The following EIF2AK2 variants were observed in gnomAD, a reference collection of about 807,000 sequenced individuals.
EIF2AK2 encodes eukaryotic translation initiation factor 2 alpha kinase 2, also known as interferon-induced, double-stranded RNA-activated protein kinase.
In EIF2AK2, 40 loss-of-function variants were observed where a neutral mutation model predicts 70.5. That is an observed-to-expected ratio of 0.57 (90% CI 0.44 to 0.74). EIF2AK2 has a LOEUF of 0.74. Ranked by LOEUF, EIF2AK2 falls within the 30% of genes least tolerant of loss-of-function variation. The pLI is 0.00. For missense variants in EIF2AK2, 555 were observed against 644.3 expected (o/e 0.86, Z 1.50); for synonymous variants, 198 against 220.9 (o/e 0.90, Z 0.92).
At chr2:37,151,364 T>G (rs1675735368) in intron 1 of EIF2AK2, among the ~76,000 whole-genome samples, 1 of 152,086 alleles carries the variant, frequency 6.6e-6, no homozygotes, top group African/African-American at 2.4e-5. Flanking sequence ...TCATGAGTCA[T>G]TAAAGAAATG....
chr2:37,110,783 C>T (rs1674116895), intron 14 of EIF2AK2, among the ~76,000 whole-genome samples: 2 of 151,586 alleles, frequency 1.3e-5, no homozygotes, highest in Admixed American at 1.3e-4. Flanking sequence ...AGCAATCAAC[C>T]CAAAAAAAAA....
At chr2:37,135,400 A>G in intron 10 of EIF2AK2, 84 bp downstream of exon 10, 1 of 1,087,752 alleles carries the variant, frequency 9.2e-7, no homozygotes, top group Non-Finnish European at 1.4e-6. Context: ...AACTGACAGG[A>G]TCATGGCCAT....
chr2:37,156,397 A>AG (rs1038269155), intron 1 of EIF2AK2, among the ~76,000 whole-genome samples: 7 of 152,116 alleles, frequency 4.6e-5, no homozygotes, highest in Non-Finnish European at 1.0e-4. Context: ...GAGAAGAGGT[A>AG]GGGGGTGGAG....
chr2:37,134,202 AG>A (rs1675044644), intron 10 of EIF2AK2, among the ~76,000 whole-genome samples: 1 of 152,180 alleles, frequency 6.6e-6, no homozygotes, highest in African/African-American at 2.4e-5. Flanking sequence ...CCCACTTCCA[AG>A]GTCAATCAGG....
At chr2:37,143,564 T>A (rs1359301101) in intron 4 of EIF2AK2, among the ~76,000 whole-genome samples, 1 of 152,182 alleles carries the variant, frequency 6.6e-6, no homozygotes, top group Non-Finnish European at 1.5e-5. Context: ...TTTTTTCTTG[T>A]ATTATTCCCT....
chr2:37,101,106 T>C lies in EIF2AK2; in HGVS notation c.*6167A>G, dbSNP rs1673817344. 6.6e-6 allele frequency: 1 copy of C among 152,250 alleles called. No individual in the cohort carries two copies. Among genetic ancestry groups the C allele is most frequent in the Admixed American group, 6.5e-5 (1 of 15,280 alleles). The allele number at this position is 152,250 out of a possible 1,614,324, so 9.4% of individuals were successfully genotyped here. ...TCTTATTGTTCAGGCCCTCTTAGTC[T>C]TTCCACTTCTGACCTTTCAAATATA... On this transcript the variant is annotated 3_prime_UTR_variant, in exon 17 of 17. Transcript: ENST00000233057.
intron 14 of EIF2AK2, among the ~76,000 whole-genome samples, chr2:37,111,954 T>TAGATAG (rs1350907171): frequency 7.6e-5 from 11 of 144,016 alleles, no homozygotes; most frequent in African/African-American, 2.9e-4. Context: ...TATATATATA[T>TAGATAG]ATAGATTTTG....
chr2:37,131,237 C>T (rs1266644323), intron 10 of EIF2AK2, among the ~76,000 whole-genome samples: 3 of 152,144 alleles, frequency 2.0e-5, no homozygotes, highest in Non-Finnish European at 2.9e-5. Context: ...CCTTCCAAAC[C>T]CCCTAAGACC....
chr2:37,137,511 G>A (rs1008192313), intron 8 of EIF2AK2, among the ~76,000 whole-genome samples: 1 of 152,176 alleles, frequency 6.6e-6, no homozygotes, highest in African/African-American at 2.4e-5. Context: ...GTCTCACTAT[G>A]TTGCCTAGGC....
chr2:37,114,210 A>C (rs1674256985), intron 14 of EIF2AK2, among the ~76,000 whole-genome samples: 1 of 152,106 alleles, frequency 6.6e-6, no homozygotes, highest in African/African-American at 2.4e-5. Flanking sequence ...TGAGGTGGGA[A>C]GATTGCTTGA....
chr2:37,111,369 T>C (rs1415926721), intron 14 of EIF2AK2, among the ~76,000 whole-genome samples: 1 of 151,646 alleles, frequency 6.6e-6, no homozygotes, highest in Non-Finnish European at 1.5e-5. Flanking sequence ...GCTACACTAA[T>C]AACAAATTAG....
At chr2:37,126,588 C>T (rs1270245610) in intron 10 of EIF2AK2, among the ~76,000 whole-genome samples, 177 bp from the exon 11 acceptor site, 1 of 151,980 alleles carries the variant, frequency 6.6e-6, no homozygotes, top group East Asian at 1.9e-4. Flanking sequence ...AAAGAGTAGT[C>T]CTCTCACTCC....
chr2:37,112,518 C>A (rs1674195246), intron 14 of EIF2AK2, among the ~76,000 whole-genome samples: 1 of 152,276 alleles, frequency 6.6e-6, no homozygotes, highest in East Asian at 1.9e-4. Context: ...AATGTGATTA[C>A]AGAGTTCATT....
At chr2:37,119,147 C>T (rs1374244821) in intron 13 of EIF2AK2, among the ~76,000 whole-genome samples, 3 of 152,158 alleles carry the variant, frequency 2.0e-5, no homozygotes, top group African/African-American at 7.2e-5. Flanking sequence ...CTGTCTCTCA[C>T]CTTCTGTCAT....
At chr2:37,153,393 T>C (rs1352203079) in intron 1 of EIF2AK2, among the ~76,000 whole-genome samples, 1 of 141,022 alleles carries the variant, frequency 7.1e-6, no homozygotes, top group Non-Finnish European at 1.5e-5. Flanking sequence ...CAGGCTGGAG[T>C]GCAGTGGTGT....
At position 37,136,976 on chromosome 2, in the gene EIF2AK2, T is replaced by A; in HGVS notation, c.722+7A>T. ...TCAAAATATGTTCAATGCATAATGA[T>A]ACTCACCTTTTTGCCTTCCTTTGAT... On this transcript the variant is annotated splice_region_variant and intron_variant, in intron 9 of 16. Transcript: ENST00000233057. 1 of 1,601,896 alleles carries A rather than the reference T, an allele frequency of 6.2e-7. No individual in the cohort carries two copies.
chr2:37,109,569 G>A (rs1249834293), intron 14 of EIF2AK2: 2 of 344,720 alleles, frequency 5.8e-6, no homozygotes, highest in African/African-American at 4.2e-5. Flanking sequence ...GTGAGAGTGA[G>A]ATGCAGCAGG....
intron 4 of EIF2AK2, 31 bp downstream of exon 4, chr2:37,146,822 C>A: frequency 2.0e-6 from 3 of 1,490,282 alleles, no homozygotes; most frequent in Admixed American, 2.2e-5. Flanking sequence ...TTGCAAGTTC[C>A]CATTTATTAG....
intron 9 of EIF2AK2, 100 bp from the exon 10 acceptor site, chr2:37,135,646 A>G: frequency 3.6e-6 from 4 of 1,102,902 alleles, no homozygotes. Flanking sequence ...TTTTTTCTTC[A>G]GAGGCAAGGT....
Sources: gnomAD v4.1 joint callset for allele counts (sites outside exome capture counted in the v4.1 genomes callset) on GRCh38, gnomAD v4.1.1 for gene constraint, MANE v1.5 for transcripts, NCBI Gene and HGNC (gene_info 2026-07-23, HGNC 2026-07-21) for gene names.